The following DSC3 variants were observed in gnomAD, a reference collection of about 807,000 sequenced individuals.
DSC3 encodes the protein desmocollin-3.
DSC3 carries 97 observed loss-of-function variants against 89.5 expected under a neutral mutation model. The ratio of observed to expected loss-of-function variants is 1.08; its 90% CI spans 0.92 to 1.28. DSC3 has a LOEUF of 1.28. DSC3 is among the 50% of genes most tolerant of loss of function. The probability of loss-of-function intolerance (pLI) is 0.00; values close to 1 mark genes in which losing one functional copy is unlikely to be tolerated. For missense variants in DSC3, 1,199 were observed against 1,085.3 expected (o/e 1.10, Z -1.47); for synonymous variants, 436 against 384.1 (o/e 1.14, Z -1.58).
intron 12 of DSC3, among the ~76,000 whole-genome samples, chr18:31,006,416 C>G (rs951757943): frequency 6.6e-6 from 1 of 152,112 alleles, no homozygotes; most frequent in Non-Finnish European, 1.5e-5. Context: ...TCTGCTGCCT[C>G]AGCCTCCCCA....
chr18:30,994,331 G>T lies in DSC3; in HGVS notation c.2535C>A (p.Ser845=). 1 of 1,613,882 alleles carries T rather than the reference G, an allele frequency of 6.2e-7. No individual in the cohort carries two copies. The highest frequency in any genetic ancestry group is 8.5e-7 in the Non-Finnish European group (1 of 1,179,934). The change falls in exon 16 of 16, where the codon TCC becomes TCA. Residue 845 remains serine (S), a synonymous_variant. Transcript: ENST00000360428. ...AGTTATAAGTGAGGACATAATCTTG[G>T]GATGGCATGCGGTCTTCATTCTGAT... ...RCNQNEDRMP[S]QDYVLTYNYE...
intron 2 of DSC3, among the ~76,000 whole-genome samples, chr18:31,031,646 G>A (rs535901674): frequency 6.6e-5 from 10 of 152,184 alleles, no homozygotes; most frequent in South Asian, 6.2e-4. Context: ...TCCAATCTCC[G>A]AAATTTTCTT....
Position 30,991,151 on chromosome 18 carries a change from T to G in DSC3, c.*3024A>C, listed in dbSNP as rs1353429887. 1 of 152,640 alleles carries G rather than the reference T, an allele frequency of 6.6e-6. No homozygotes were observed. The allele number at this position is 152,640 out of a possible 1,614,324, so 9.5% of individuals were successfully genotyped here. On this transcript the variant is annotated 3_prime_UTR_variant, in exon 16 of 16. Coordinates refer to ENST00000360428, the MANE Select transcript of DSC3 (RefSeq NM_001941.5). ...TTTTTGCTTATTTTAAGCAGCCAAG[T>G]TTCTTTAAAAGCAAAGTAACTTCTT...
At chr18:31,007,960 T>C in intron 11 of DSC3, 56 bp downstream of exon 11, 3 of 1,460,186 alleles carry the variant, frequency 2.1e-6, no homozygotes, top group Non-Finnish European at 1.9e-6. Context: ...ATAAGAATAA[T>C]TACATTTTAT....
At chr18:31,018,852 A>G (rs774561222) in intron 7 of DSC3, 52 bp from the exon 8 acceptor site, 2 of 1,573,068 alleles carry the variant, frequency 1.3e-6, no homozygotes, top group Middle Eastern at 3.8e-4. Context: ...TGGTAGATTT[A>G]TAAATGAAAC....
At chr18:31,003,021 G>A (rs982847353) in intron 13 of DSC3, among the ~76,000 whole-genome samples, 1 of 152,144 alleles carries the variant, frequency 6.6e-6, no homozygotes, top group African/African-American at 2.4e-5. Flanking sequence ...TGGTTTCCCT[G>A]CCACTCCTTG....
chr18:31,002,948 GC>G (rs1984716451), intron 13 of DSC3, among the ~76,000 whole-genome samples: 1 of 151,890 alleles, frequency 6.6e-6, no homozygotes, highest in Admixed American at 6.6e-5. Context: ...ACCCTACATG[GC>G]CCCACACTAC....
At chr18:31,039,057 GATATTTT>G (rs1986056350) in intron 1 of DSC3, among the ~76,000 whole-genome samples, 1 of 151,864 alleles carries the variant, frequency 6.6e-6, no homozygotes, top group South Asian at 2.1e-4. Flanking sequence ...GACCTTTAAA[GATATTTT>G]ATAATAAAAA....
At chr18:31,034,792 C>G (rs1985918696) in intron 1 of DSC3, among the ~76,000 whole-genome samples, 1 of 152,046 alleles carries the variant, frequency 6.6e-6, no homozygotes, top group South Asian at 2.1e-4. Context: ...TATACAGGAA[C>G]AAAGTAAATT....
At chr18:31,029,263 T>C (rs559645072) in intron 4 of DSC3, among the ~76,000 whole-genome samples, 1 of 152,184 alleles carries the variant, frequency 6.6e-6, no homozygotes, top group Non-Finnish European at 1.5e-5. Context: ...CCGCAGGATA[T>C]AGTTAAGTGC....
chr18:31,025,250 C>T (rs115241546), intron 5 of DSC3, among the ~76,000 whole-genome samples: 154 of 152,254 alleles, frequency 1.0e-3, no homozygotes, highest in African/African-American at 3.6e-3. Flanking sequence ...ACTATAAGCT[C>T]ATCTATATCA....
chr18:31,010,195 C>G (rs1023079253), intron 9 of DSC3, among the ~76,000 whole-genome samples: 4 of 152,174 alleles, frequency 2.6e-5, no homozygotes, highest in Non-Finnish European at 5.9e-5. Flanking sequence ...ATCTTAGAAT[C>G]TACAAAACAT....
rs140155522 is a variant in DSC3 at position 31,038,313 on chromosome 18, C to T, written c.69+4279G>A. Among the ~76,000 whole-genome samples the T allele has an allele frequency of 6.8e-3, 1,042 of 152,238 alleles. 21 individuals are homozygous for T. The highest frequency in any genetic ancestry group is 0.023 in the African/African-American group (971 of 41,542). ...CTGAAAGAAATAACTTATCACAAAC[C>T]TGGGCCTGGTGGATCTAAAGAAGTG... On this transcript the variant is annotated intron_variant, in intron 1 of 15. Coordinates refer to ENST00000360428, the MANE Select transcript of DSC3 (RefSeq NM_001941.5).
intron 5 of DSC3, 128 bp downstream of exon 5, chr18:31,025,632 A>T: frequency 9.8e-7 from 1 of 1,018,654 alleles, no homozygotes. Flanking sequence ...TGCACATTCT[A>T]TTTCCCATTG....
At chr18:31,023,654 G>T (rs1985497849) in intron 6 of DSC3, among the ~76,000 whole-genome samples, 1 of 152,016 alleles carries the variant, frequency 6.6e-6, no homozygotes, top group East Asian at 1.9e-4. Flanking sequence ...AGCAAATTAG[G>T]AAAGTCATCC....
intron 7 of DSC3, among the ~76,000 whole-genome samples, chr18:31,020,925 G>C (rs1231419849): frequency 6.6e-6 from 1 of 152,124 alleles, no homozygotes; most frequent in Admixed American, 6.6e-5. Flanking sequence ...CTGGGCAAGA[G>C]AGCGAGACCC....
intron 13 of DSC3, among the ~76,000 whole-genome samples, chr18:31,003,521 A>G (rs1711725754): frequency 6.6e-6 from 1 of 152,188 alleles, no homozygotes; most frequent in Non-Finnish European, 1.5e-5. Context: ...AGGCTACTAC[A>G]GTTATTCCTT....
At chr18:31,006,102 A>G (rs891479287) in intron 12 of DSC3, among the ~76,000 whole-genome samples, 4 of 152,160 alleles carry the variant, frequency 2.6e-5, no homozygotes, top group Non-Finnish European at 4.4e-5. Flanking sequence ...AGAACATGAC[A>G]GCCCCCAGAA....
At chr18:31,021,559 T>A (rs113483194) in intron 7 of DSC3, among the ~76,000 whole-genome samples, 1 of 152,206 alleles carries the variant, frequency 6.6e-6, no homozygotes, top group East Asian at 1.9e-4. Context: ...TCATATTGAC[T>A]CTTCTATATA....
Sources: gnomAD v4.1 joint callset for allele counts (sites outside exome capture counted in the v4.1 genomes callset) on GRCh38, gnomAD v4.1.1 for gene constraint, MANE v1.5 for transcripts, NCBI Gene and HGNC (gene_info 2026-07-23, HGNC 2026-07-21) for gene names.